CEP192: variants seen among roughly 807,000 people sequenced by gnomAD.
The protein encoded by CEP192 is centrosomal protein of 192 kDa.
In CEP192, 151 loss-of-function variants were observed where a neutral mutation model predicts 271.8. That is an observed-to-expected ratio of 0.56 (90% CI 0.49 to 0.64). CEP192 has a LOEUF of 0.64. Among genes scored for constraint, CEP192 ranks in the 30% least tolerant of loss-of-function variants. The pLI is 0.00. For synonymous variants in CEP192, 995 were observed against 1,076.5 expected (o/e 0.92, Z 1.48); for missense variants, 2,910 against 3,020.5 (o/e 0.96, Z 0.86).
At chr18:13,019,345 A>AT in intron 9 of CEP192, 139 bp downstream of exon 9, 1 of 594,138 alleles carries the variant, frequency 1.7e-6, no homozygotes, top group Non-Finnish European at 2.6e-6. Flanking sequence ...ACTACTGATA[A>AT]TTTTTCGATA....
chr18:13,002,310 GCTC>G (rs1568262080), intron 3 of CEP192, among the ~76,000 whole-genome samples: 1 of 122,378 alleles, frequency 8.2e-6, no homozygotes, highest in African/African-American at 3.1e-5. Flanking sequence ...ATAAGATTAA[GCTC>G]TTATTCTATT....
intron 44 of CEP192, among the ~76,000 whole-genome samples, chr18:13,122,432 G>C (rs1208172481): frequency 6.6e-6 from 1 of 151,532 alleles, no homozygotes; most frequent in Non-Finnish European, 1.5e-5. Context: ...AAAAAACAAA[G>C]TAGCCGGGCC....
intron 9 of CEP192, among the ~76,000 whole-genome samples, chr18:13,023,432 T>C (rs1422291951): frequency 3.3e-5 from 5 of 152,072 alleles, no homozygotes; most frequent in African/African-American, 1.2e-4. Context: ...CTCTCTCTAG[T>C]TTACTGGGAA....
At position 13,019,119 on chromosome 18, in the gene CEP192, A is replaced by C; in HGVS notation, c.963A>C (p.Thr321=). 1 of 1,545,126 alleles carries C rather than the reference A, an allele frequency of 6.5e-7. No individual in the cohort carries two copies. Among genetic ancestry groups the C allele is most frequent in the Non-Finnish European group, 8.7e-7 (1 of 1,144,246 alleles). Residue 321 remains threonine (T), a synonymous_variant, in exon 9 of 45, where the codon ACA becomes ACC. Coordinates refer to ENST00000506447, the MANE Select transcript of CEP192 (RefSeq NM_032142.4). ...GTACTGGAGATAGTAGAAGGTACAC[A>C]GATGGTATGTTACCATTTTCCTCTG... ...SIGTGDSRRY[T]DGMLPFSSGT... is the part of the protein sequence containing the mutation.
At chr18:13,028,645 G>C (rs9952452) in intron 9 of CEP192, among the ~76,000 whole-genome samples, 1 of 151,850 alleles carries the variant, frequency 6.6e-6, no homozygotes, top group Admixed American at 6.6e-5. Flanking sequence ...TCAGCCTCCC[G>C]AGTAGCTGGG....
At chr18:13,047,041 T>C (rs1249250107) in intron 15 of CEP192, among the ~76,000 whole-genome samples, 1 of 152,244 alleles carries the variant, frequency 6.6e-6, no homozygotes, top group Non-Finnish European at 1.5e-5. Flanking sequence ...CTTTGGTTTT[T>C]ATCCATCTTA....
intron 13 of CEP192, among the ~76,000 whole-genome samples, chr18:13,038,883 C>A (rs562537610): frequency 6.6e-6 from 1 of 152,298 alleles, no homozygotes; most frequent in East Asian, 1.9e-4. Context: ...ACTAAACCAA[C>A]ATGTAATAAG....
At chr18:13,108,378 GA>G (rs1323364097) in intron 40 of CEP192, among the ~76,000 whole-genome samples, 1 of 152,032 alleles carries the variant, frequency 6.6e-6, no homozygotes, top group Non-Finnish European at 1.5e-5. Flanking sequence ...ACCTACAAAA[GA>G]GGAGAAAACA....
intron 30 of CEP192, among the ~76,000 whole-genome samples, chr18:13,075,792 G>A (rs2038240504): frequency 6.6e-6 from 1 of 152,162 alleles, no homozygotes; most frequent in South Asian, 2.1e-4. Context: ...TGTGTAAACT[G>A]AGGCTGAGAG....
chr18:13,062,090 C>G (rs1245448788), intron 21 of CEP192, among the ~76,000 whole-genome samples: 2 of 152,188 alleles, frequency 1.3e-5, no homozygotes, highest in Admixed American at 6.5e-5. Flanking sequence ...TGGTTCCCTA[C>G]TGGTGTGCTC....
rs370680959 is a variant in CEP192, at chr18:13,057,578, C to A, written c.4109-7C>A. The A allele has an allele frequency of 3.0e-5, 48 of 1,612,550 alleles. No individual in the cohort carries two copies. Among genetic ancestry groups the A allele is most frequent in the Non-Finnish European group, 4.1e-5 (48 of 1,179,346 alleles). Reference sequence around the variant, plus strand: ...TGCATTTTTGACTGTGCCTTATTCTCACCCAGGGAGTGTCCGAGTGCCCGA... The same window carrying A: ...TGCATTTTTGACTGTGCCTTATTCTAACCCAGGGAGTGTCCGAGTGCCCGA... On this transcript the variant is annotated splice_region_variant and splice_polypyrimidine_tract_variant and intron_variant, in intron 19 of 44. Coordinates refer to ENST00000506447, the MANE Select transcript of CEP192 (RefSeq NM_032142.4).
chr18:13,108,197 C>A (rs2040045256), intron 40 of CEP192, among the ~76,000 whole-genome samples: 1 of 151,982 alleles, frequency 6.6e-6, no homozygotes, highest in African/African-American at 2.4e-5. Flanking sequence ...TATAAGAATC[C>A]TAGAGGGAAA....
In CEP192 at chr18:13,115,359, G is replaced by A. The variant is rs189112847; in HGVS notation, c.7290-1018G>A. Among the ~76,000 whole-genome samples, 12 of 152,330 alleles carry A rather than the reference G, an allele frequency of 7.9e-5. No homozygotes were observed. The East Asian group carries it at 2.3e-3, about 29-fold the overall frequency. ...CCTGAAAGGGGACATTTAAGTTGAG[G>A]AGGATGAGTGGAAACGGCCTAGGTG... On this transcript the variant is annotated intron_variant, in intron 42 of 44. Coordinates refer to ENST00000506447, the MANE Select transcript of CEP192 (RefSeq NM_032142.4).
At position 13,030,537 on chromosome 18, in the gene CEP192, C is replaced by A. The variant is rs750119944; in HGVS notation, c.1463C>A (p.Thr488Lys). ...GRWVTDLAYYTSFNSKQNLNV... is the reference protein window; with the variant it reads ...GRWVTDLAYYKSFNSKQNLNV... ...TGGGTCACAGACCTTGCCTATTACA[C>A]ATCTTTTAATAGCAAACAAAATTTA... is the stretch of plus-strand genomic sequence containing the variant. The change falls in exon 11 of 45, where the codon ACA becomes AAA. Residue 488 changes from threonine to lysine, a missense_variant. Coordinates refer to ENST00000506447, the MANE Select transcript of CEP192 (RefSeq NM_032142.4). 8 of 1,610,488 alleles carry A rather than the reference C, an allele frequency of 5.0e-6. No homozygotes were observed. The highest frequency in any genetic ancestry group is 6.8e-6 in the Non-Finnish European group (8 of 1,177,054).
Position 13,072,889 on chromosome 18 carries a change from C to G in CEP192, c.5439+44C>G, listed in dbSNP as rs759943565. On this transcript the variant is annotated intron_variant, in intron 29 of 44. Coordinates refer to ENST00000506447, the MANE Select transcript of CEP192 (RefSeq NM_032142.4). Reference sequence around the variant, plus strand: ...TTCTTGTTATGTCTTCTGTCTGGGTCTGGAACACTTGCATATGCAGACCTT... The same window carrying G: ...TTCTTGTTATGTCTTCTGTCTGGGTGTGGAACACTTGCATATGCAGACCTT... 5.8e-6 allele frequency: 9 copies of G among 1,548,412 alleles called. No individual in the cohort carries two copies. In the East Asian group the frequency reaches 2.0e-4, roughly 35 times the overall value.
rs1598425667 is a variant in CEP192, at chr18:13,038,689, G to C, written c.1809+110G>C. The stretch of plus-strand genomic sequence containing the variant: ...AGATAGAATAGGATGGGACAGAAGA[G>C]TGGTAAAAAACTTAGGTTTCATCAT... On this transcript the variant is annotated intron_variant, in intron 13 of 44. Coordinates refer to ENST00000506447, the MANE Select transcript of CEP192 (RefSeq NM_032142.4). 16 of 849,976 alleles carry C rather than the reference G, an allele frequency of 1.9e-5. No homozygotes were observed. The East Asian group carries it at 4.3e-4, about 23-fold the overall frequency. The allele number at this position is 849,976 out of a possible 1,614,324, so 52.7% of individuals were successfully genotyped here.
chr18:13,037,352 G>T (rs1362615035), intron 12 of CEP192, 51 bp downstream of exon 12: 1 of 735,392 alleles, frequency 1.4e-6, no homozygotes. Context: ...CTGTATTAGT[G>T]TAAGTGTAGG....
chr18:13,031,560 G>T (rs1401759799), intron 11 of CEP192, among the ~76,000 whole-genome samples: 1 of 152,062 alleles, frequency 6.6e-6, no homozygotes, highest in Non-Finnish European at 1.5e-5. Flanking sequence ...TGGCCTTATT[G>T]TTAATAGGCT....
rs372027998 is a variant in CEP192, at chr18:13,073,121, G to C, written c.5552G>C (p.Cys1851Ser). 1.2e-6 allele frequency: 2 copies of C among 1,613,776 alleles called. No homozygotes were observed. The highest frequency in any genetic ancestry group is 3.3e-5 in the Admixed American group (2 of 59,924). The change falls in exon 30 of 45, where the codon TGC becomes TCC. Residue 1851 changes from cysteine to serine, a missense_variant. Physicochemically the swap from Cys to Ser is moderately radical, Grantham distance 112. Transcript: ENST00000506447. ...TTATTTGCACCTACTCGATTATCTTGCATGTTGGCTAGACTAGAAATCAAA... is the reference window on the plus strand; with the variant it reads ...TTATTTGCACCTACTCGATTATCTTCCATGTTGGCTAGACTAGAAATCAAA... Reference protein sequence around the residue: ...SVLFAPTRLSCMLARLEIKQL... With the variant: ...SVLFAPTRLSSMLARLEIKQL...
Sources: gnomAD v4.1 joint callset for allele counts (sites outside exome capture counted in the v4.1 genomes callset) on GRCh38, gnomAD v4.1.1 for gene constraint, MANE v1.5 for transcripts, NCBI Gene and HGNC (gene_info 2026-07-23, HGNC 2026-07-21) for gene names.